The following WDFY3 variants were observed in gnomAD, a reference collection of about 807,000 sequenced individuals.
WDFY3 encodes WD repeat and FYVE domain containing 3, also known as WD repeat and FYVE domain-containing protein 3.
A neutral mutation model predicts 409.6 loss-of-function variants in WDFY3; 66 were observed. That is an observed-to-expected ratio of 0.16 (90% confidence interval 0.13 to 0.20). The LOEUF (loss-of-function observed/expected upper bound fraction) is 0.20. WDFY3 is among the 10% of genes least tolerant of loss of function. The pLI is 1.00. For synonymous variants in WDFY3, 1,521 were observed against 1,537.1 expected (o/e 0.99, Z 0.25); for missense variants, 3,031 against 4,298.1 (o/e 0.71, Z 8.24).
chr4:84,953,565 TA>T (rs1178929947), intron 1 of WDFY3, among the ~76,000 whole-genome samples: 3 of 152,046 alleles, frequency 2.0e-5, no homozygotes, highest in East Asian at 1.9e-4. Flanking sequence ...TGTATTTTTT[TA>T]AAAAAAGAAT....
intron 15 of WDFY3, among the ~76,000 whole-genome samples, chr4:84,807,299 A>T (rs1159028892): frequency 6.6e-6 from 1 of 152,202 alleles, no homozygotes. Context: ...TCCTATATTC[A>T]TTTAAGACTA....
At chr4:84,878,094 T>C (rs770714517) in intron 3 of WDFY3, among the ~76,000 whole-genome samples, 14 of 152,326 alleles carry the variant, frequency 9.2e-5, no homozygotes, top group Admixed American at 2.6e-4. Flanking sequence ...TTTTAAAACA[T>C]GTTCAGTTAA....
rs1199770636 is a variant in WDFY3 at position 84,821,476 on chromosome 4, G to A, written c.1199C>T (p.Ala400Val). The A allele has an allele frequency of 1.3e-5, 21 of 1,613,730 alleles. No individual in the cohort carries two copies. The highest frequency in any genetic ancestry group is 1.7e-5 in the Non-Finnish European group (20 of 1,179,848). Residue 400 changes from alanine to valine, a missense_variant, in exon 11 of 68, where the codon GCC (alanine) becomes GTC (valine). Physicochemically the swap from Ala to Val is moderately conservative, Grantham distance 64. Around this residue, in one of 16 missense-constraint regions of WDFY3, gnomAD observed 1,322 missense variants for 1,697.9 expected, o/e 0.78. Transcript: ENST00000295888. Reference sequence around the variant, plus strand: ...TGTGATAGCATCAAGGATGATTTGGGCAAGGAAGCTGGTTTTTGCTTTTAA... The same window carrying A: ...TGTGATAGCATCAAGGATGATTTGGACAAGGAAGCTGGTTTTTGCTTTTAA... ...AFLKAKTSFL[A>V]QIILDAITNI...
intron 64 of WDFY3, among the ~76,000 whole-genome samples, chr4:84,680,706 AT>A (rs1331908845): frequency 6.6e-6 from 1 of 152,174 alleles, no homozygotes; most frequent in South Asian, 2.1e-4. Flanking sequence ...CATGTGCAGA[AT>A]TTTTTTCCTT....
At chr4:84,792,585 G>A (rs1344564264) in intron 21 of WDFY3, among the ~76,000 whole-genome samples, 1 of 152,156 alleles carries the variant, frequency 6.6e-6, no homozygotes, top group Non-Finnish European at 1.5e-5. Flanking sequence ...GCATCTTAAT[G>A]GGTTACAGCT....
intron 22 of WDFY3, among the ~76,000 whole-genome samples, chr4:84,788,960 C>T (rs1156318149): frequency 3.3e-5 from 5 of 151,988 alleles, no homozygotes; most frequent in African/African-American, 7.2e-5. Context: ...GTGGAGGTTG[C>T]GGTGAGCTGA....
At chr4:84,828,960 C>T (rs755600153) in intron 9 of WDFY3, 44 bp downstream of exon 9, 16 of 1,484,368 alleles carry the variant, frequency 1.1e-5, no homozygotes, top group East Asian at 2.4e-5. Context: ...ATAAAAAAGA[C>T]TGAGTAGACA....
intron 3 of WDFY3, among the ~76,000 whole-genome samples, chr4:84,890,683 C>T (rs1764832785): frequency 6.6e-6 from 1 of 152,196 alleles, no homozygotes. Context: ...GGTCAGATAG[C>T]AAATATTTTG....
At chr4:84,946,444 G>T (rs1415756182) in intron 1 of WDFY3, among the ~76,000 whole-genome samples, 2 of 152,166 alleles carry the variant, frequency 1.3e-5, no homozygotes, top group Non-Finnish European at 2.9e-5. Context: ...ATGGAACCAG[G>T]AGGCAGCATG....
rs180682934 is a variant in WDFY3, at chr4:84,908,297, G to C, written c.-131-11287C>G. The stretch of plus-strand genomic sequence containing the variant: ...AGCAACAAGAAGTAAAAAAGCAGTA[G>C]ACAGATTCAACAGACATTTAGAAGG... On this transcript the variant is annotated intron_variant, in intron 2 of 67. Coordinates refer to ENST00000295888, the MANE Select transcript of WDFY3 (RefSeq NM_014991.6). Among the ~76,000 whole-genome samples the C allele has an allele frequency of 1.7e-3, 262 of 152,190 alleles. 4 individuals carry two copies. Among genetic ancestry groups the C allele is most frequent in the Non-Finnish European group, 2.5e-4 (17 of 68,014 alleles).
intron 32 of WDFY3, among the ~76,000 whole-genome samples, chr4:84,758,283 G>A (rs1741802980): frequency 6.6e-6 from 1 of 152,164 alleles, no homozygotes; most frequent in African/African-American, 2.4e-5. Flanking sequence ...GGTTCACTCT[G>A]TTGCCCAGGC....
At position 84,713,074 on chromosome 4, in the gene WDFY3, T is replaced by C. The variant is rs1016874257; in HGVS notation, c.8042+85A>G. On this transcript the variant is annotated intron_variant, in intron 51 of 67. Coordinates refer to ENST00000295888, the MANE Select transcript of WDFY3 (RefSeq NM_014991.6). ...GCAACCACCAGGGGAAAAACACTCA[T>C]CTAAAATGTTAAATAATACTGTCCA... The C allele has an allele frequency of 1.7e-5, 25 of 1,432,410 alleles. No homozygotes were observed. The African/African-American group carries it at 3.3e-4, about 19-fold the overall frequency. The allele number at this position is 1,432,410 out of a possible 1,614,324, so 88.7% of individuals were successfully genotyped here. A position where few individuals can be genotyped will look rare whatever the true frequency, so the allele number is the denominator to read the frequency against.
chr4:84,784,885 TATATATAC>T (rs70943373), intron 24 of WDFY3, among the ~76,000 whole-genome samples: 23,957 of 94,614 alleles, frequency 0.25, 2,591 homozygotes, highest in Non-Finnish European at 0.33. Flanking sequence ...TATATATATA[TATATATAC>T]ACACACACAC....
intron 5 of WDFY3, among the ~76,000 whole-genome samples, chr4:84,842,523 T>C (rs1757514706): frequency 1.3e-5 from 2 of 149,952 alleles, no homozygotes; most frequent in South Asian, 4.2e-4. Flanking sequence ...AGGAACTAAC[T>C]GGGTAAAAAC....
chr4:84,686,815 G>A (rs1288409179), intron 62 of WDFY3, among the ~76,000 whole-genome samples: 6 of 152,048 alleles, frequency 3.9e-5, no homozygotes, highest in Admixed American at 3.3e-4. Context: ...ACTTACTAAC[G>A]CGATAAGCTT....
chr4:84,948,820 A>G lies in WDFY3; in HGVS notation c.-225-16457T>C, dbSNP rs563358094. Among the ~76,000 whole-genome samples, 19 of 152,180 alleles carry G rather than the reference A, an allele frequency of 1.2e-4. No homozygotes were observed. The South Asian group carries it at 2.1e-3, about 17-fold the overall frequency. On this transcript the variant is annotated intron_variant, in intron 1 of 67. Transcript: ENST00000295888. ...CTGAGCAGTCTACTTTAAATTCCCA[A>G]TCCCAAGGACTGATAGCTAGAGTCC... is the stretch of plus-strand genomic sequence containing the variant.
chr4:84,691,614 C>A lies in WDFY3; in HGVS notation c.9204+17G>T, dbSNP rs1249603651. The A allele has an allele frequency of 6.2e-7, 1 of 1,611,224 alleles. No individual in the cohort carries two copies. On this transcript the variant is annotated intron_variant, in intron 60 of 67. Coordinates refer to ENST00000295888, the MANE Select transcript of WDFY3 (RefSeq NM_014991.6). ...AAAAGAGCAATATTAAATGAGTAGG[C>A]AGGAAATAATGCAAACCTTGTCTGA...
chr4:84,759,665 A>T (rs1233554928), intron 32 of WDFY3, among the ~76,000 whole-genome samples: 2 of 148,476 alleles, frequency 1.3e-5, no homozygotes, highest in East Asian at 4.0e-4. Context: ...GTATCCTGAG[A>T]CTTTGCTGAA....
intron 67 of WDFY3, 58 bp downstream of exon 67, chr4:84,677,141 A>C: frequency 6.3e-7 from 1 of 1,595,244 alleles, no homozygotes; most frequent in Non-Finnish European, 8.6e-7. Context: ...TGCAGGACAT[A>C]ATTAACAACC....
Sources: gnomAD v4.1 joint callset for allele counts (sites outside exome capture counted in the v4.1 genomes callset) on GRCh38, gnomAD v4.1.1 for gene constraint, gnomAD v4.1.1 regional missense constraint, MANE v1.5 for transcripts, NCBI Gene and HGNC (gene_info 2026-07-23, HGNC 2026-07-21) for gene names.